Variants in WWOX observed in about 807,000 individuals in gnomAD.
WWOX encodes the protein WW domain-containing oxidoreductase.
Under a neutral mutation model 46.2 loss-of-function variants are expected in WWOX, and 69 were observed. The ratio of observed to expected loss-of-function variants is 1.49; its 90% CI spans 1.23 to 1.82. The LOEUF (loss-of-function observed/expected upper bound fraction) is 1.82, where lower values mean the gene tolerates loss of function less well. Ranked by LOEUF, WWOX falls within the 40% of genes most tolerant of loss-of-function variation. The pLI is 0.00. For synonymous variants in WWOX, 359 were observed against 202.6 expected (o/e 1.77, Z -6.56); for missense variants, 919 against 542.6 (o/e 1.69, Z -6.89).
intron 8 of WWOX, among the ~76,000 whole-genome samples, chr16:78,746,066 A>C (rs1204975576): frequency 6.6e-6 from 1 of 152,170 alleles, no homozygotes; most frequent in African/African-American, 2.4e-5. Context: ...AGAAGCCAAA[A>C]TGCTCAGGAA....
At chr16:78,672,929 C>T (rs575022403) in intron 8 of WWOX, among the ~76,000 whole-genome samples, 11 of 152,334 alleles carry the variant, frequency 7.2e-5, no homozygotes, top group African/African-American at 2.6e-4. Context: ...CTTCGTCTCT[C>T]TGGCGGTGAC....
intron 8 of WWOX, among the ~76,000 whole-genome samples, chr16:79,068,791 A>G (rs769857666): frequency 1.3e-5 from 2 of 150,578 alleles, no homozygotes; most frequent in Non-Finnish European, 2.9e-5. Flanking sequence ...AGCCTGAGCT[A>G]TAGAGCCAGA....
At chr16:78,914,880 GAAAAAAAA>G (rs10706775) in intron 8 of WWOX, among the ~76,000 whole-genome samples, 6 of 69,386 alleles carry the variant, frequency 8.6e-5, no homozygotes, top group South Asian at 6.2e-4. Flanking sequence ...CTCCGCCTCA[GAAAAAAAA>G]AAAAAAAAAA....
intron 8 of WWOX, among the ~76,000 whole-genome samples, chr16:78,847,365 C>T (rs2052326288): frequency 6.6e-6 from 1 of 152,120 alleles, no homozygotes; most frequent in Admixed American, 6.5e-5. Flanking sequence ...TCTTTCTGGA[C>T]ACATTCCATT....
intron 8 of WWOX, among the ~76,000 whole-genome samples, chr16:79,153,758 G>A (rs1165425955): frequency 6.6e-6 from 1 of 152,082 alleles, no homozygotes; most frequent in African/African-American, 2.4e-5. Context: ...TTTTTTGGGG[G>A]GGGTTTTTTG....
intron 8 of WWOX, among the ~76,000 whole-genome samples, chr16:78,947,860 C>A (rs2045979601): frequency 1.3e-5 from 2 of 152,170 alleles, no homozygotes; most frequent in African/African-American, 4.8e-5. Context: ...CCCAGAGTGG[C>A]TTGTAAGCAT....
chr16:78,379,123 T>A (rs1390064976), intron 5 of WWOX, among the ~76,000 whole-genome samples: 1 of 152,246 alleles, frequency 6.6e-6, no homozygotes, highest in Non-Finnish European at 1.5e-5. Flanking sequence ...AGATATTTGC[T>A]ATCACTATTA....
At chr16:78,664,789 A>C (rs902242775) in intron 8 of WWOX, among the ~76,000 whole-genome samples, 1 of 152,178 alleles carries the variant, frequency 6.6e-6, no homozygotes, top group African/African-American at 2.4e-5. Context: ...ATTAACAGTT[A>C]AAAATAGGAA....
At chr16:78,422,548 T>C (rs1030163395) in intron 6 of WWOX, among the ~76,000 whole-genome samples, 1 of 149,766 alleles carries the variant, frequency 6.7e-6, no homozygotes, top group Non-Finnish European at 1.5e-5. Flanking sequence ...GGTCTTGCTG[T>C]GTTGCTCAGG....
chr16:78,734,503 C>T (rs755535411), intron 8 of WWOX, among the ~76,000 whole-genome samples: 46 of 152,272 alleles, frequency 3.0e-4, no homozygotes, highest in Non-Finnish European at 2.2e-4. Flanking sequence ...TGAAGGGAGA[C>T]ATTTCTTTAC....
intron 8 of WWOX, among the ~76,000 whole-genome samples, chr16:78,917,484 T>A (rs1169037655): frequency 6.8e-6 from 1 of 147,566 alleles, no homozygotes; most frequent in Non-Finnish European, 1.5e-5. Flanking sequence ...GCTGGCTGAT[T>A]TTTTTTTCCT....
chr16:79,116,307 A>C (rs965366405), intron 8 of WWOX, among the ~76,000 whole-genome samples: 1 of 152,186 alleles, frequency 6.6e-6, no homozygotes, highest in Non-Finnish European at 1.5e-5. Context: ...GATTCTCTGT[A>C]GCATGCACTG....
intron 8 of WWOX, among the ~76,000 whole-genome samples, chr16:79,018,062 C>G (rs1597283563): frequency 6.6e-6 from 1 of 152,220 alleles, no homozygotes; most frequent in African/African-American, 2.4e-5. Flanking sequence ...GGAAACAAAA[C>G]TAGTTACAGA....
At chr16:78,696,895 A>C (rs552455285) in intron 8 of WWOX, among the ~76,000 whole-genome samples, 5 of 152,262 alleles carry the variant, frequency 3.3e-5, no homozygotes, top group East Asian at 1.9e-4. Flanking sequence ...GCTCCCACTT[A>C]TAAGTGAAAA....
chr16:78,143,888 C>A (rs956962618), intron 4 of WWOX, among the ~76,000 whole-genome samples: 1 of 151,406 alleles, frequency 6.6e-6, no homozygotes, highest in Non-Finnish European at 1.5e-5. Flanking sequence ...CAGCTCACTT[C>A]ACGTTTCGGA....
At chr16:78,455,468 C>T (rs949196978) in intron 8 of WWOX, among the ~76,000 whole-genome samples, 2 of 151,570 alleles carry the variant, frequency 1.3e-5, no homozygotes, top group South Asian at 2.1e-4. Flanking sequence ...TGGTGAAATG[C>T]CATCTCTACT....
chr16:78,706,680 C>T (rs532183671), intron 8 of WWOX, among the ~76,000 whole-genome samples: 136 of 152,330 alleles, frequency 8.9e-4, no homozygotes, highest in African/African-American at 3.2e-3. Flanking sequence ...GCTCTTTCAG[C>T]TGCTCTTTCT....
chr16:78,644,088 G>A (rs2046785708), intron 8 of WWOX, among the ~76,000 whole-genome samples: 1 of 152,048 alleles, frequency 6.6e-6, no homozygotes, highest in African/African-American at 2.4e-5. Context: ...CAGACATGGT[G>A]GTGCATGCCT....
At chr16:78,908,946 T>A (rs1038219276) in intron 8 of WWOX, among the ~76,000 whole-genome samples, 1 of 152,222 alleles carries the variant, frequency 6.6e-6, no homozygotes, top group African/African-American at 2.4e-5. Context: ...AACCCTAATT[T>A]CTAATCTTGT....
Sources: gnomAD v4.1 joint callset for allele counts (sites outside exome capture counted in the v4.1 genomes callset) on GRCh38, gnomAD v4.1.1 for gene constraint, MANE v1.5 for transcripts, NCBI Gene and HGNC (gene_info 2026-07-23, HGNC 2026-07-21) for gene names.